FBN2: variants seen among roughly 807,000 people sequenced by gnomAD.
FBN2 encodes the protein fibrillin-2.
Under a neutral mutation model 355.6 loss-of-function variants are expected in FBN2, and 105 were observed. That is an observed-to-expected ratio of 0.30 (90% CI 0.25 to 0.35). The LOEUF (loss-of-function observed/expected upper bound fraction) is 0.35, where lower values mean the gene tolerates loss of function less well. FBN2 is among the 10% of genes least tolerant of loss of function. The probability of loss-of-function intolerance (pLI) is 1.00; values close to 1 mark genes in which losing one functional copy is unlikely to be tolerated. For synonymous variants in FBN2, 1,350 were observed against 1,301.2 expected (o/e 1.04, Z -0.81); for missense variants, 3,280 against 3,758.7 (o/e 0.87, Z 3.33).
At chr5:128,426,068 TG>T (rs1203901538) in intron 7 of FBN2, among the ~76,000 whole-genome samples, 1 of 152,176 alleles carries the variant, frequency 6.6e-6, no homozygotes, top group Non-Finnish European at 1.5e-5. Flanking sequence ...CACACTTTGA[TG>T]TTCTCAGTGG....
At chr5:128,467,287 A>G (rs1168488214) in intron 5 of FBN2, among the ~76,000 whole-genome samples, 2 of 152,166 alleles carry the variant, frequency 1.3e-5, no homozygotes, top group African/African-American at 4.8e-5. Context: ...TGGCAGGAAT[A>G]GAGTTGACCA....
At chr5:128,331,294 G>A (rs1277290760) in intron 32 of FBN2, among the ~76,000 whole-genome samples, 2 of 152,174 alleles carry the variant, frequency 1.3e-5, no homozygotes, top group South Asian at 4.1e-4. Context: ...TTTAGTTAAG[G>A]TCAGACCTGA....
chr5:128,522,796 T>G (rs779359835), intron 4 of FBN2, among the ~76,000 whole-genome samples: 1 of 151,734 alleles, frequency 6.6e-6, no homozygotes, highest in Non-Finnish European at 1.5e-5. Context: ...TCAACTGGAG[T>G]CAGAAAAAAA....
intron 4 of FBN2, among the ~76,000 whole-genome samples, chr5:128,525,031 A>G (rs1360828902): frequency 6.6e-6 from 1 of 152,190 alleles, no homozygotes; most frequent in African/African-American, 2.4e-5. Flanking sequence ...TCCTGTGTGA[A>G]GAACAAGAGA....
chr5:128,274,769 C>G, intron 59 of FBN2, 86 bp from the exon 60 acceptor site: 1 of 846,822 alleles, frequency 1.2e-6, no homozygotes, highest in South Asian at 1.3e-5. Context: ...GATGCACATG[C>G]TCCATTAGAA....
intron 11 of FBN2, among the ~76,000 whole-genome samples, chr5:128,384,707 A>G (rs1752321309): frequency 6.6e-6 from 1 of 152,018 alleles, no homozygotes; most frequent in African/African-American, 2.4e-5. Flanking sequence ...ATGGGCTGGG[A>G]AAACTGGAGA....
intron 40 of FBN2, 63 bp downstream of exon 40, chr5:128,309,920 G>GT: frequency 6.5e-7 from 1 of 1,543,180 alleles, no homozygotes; most frequent in Non-Finnish European, 9.0e-7. Flanking sequence ...ATTCTGAGAC[G>GT]TAAGTGCTTT....
chr5:128,352,820 G>T (rs1240807456), intron 20 of FBN2, among the ~76,000 whole-genome samples: 3 of 152,136 alleles, frequency 2.0e-5, no homozygotes, highest in Non-Finnish European at 2.9e-5. Context: ...AGAAAACAAA[G>T]AATAAGTGTA....
At chr5:128,303,332 A>G (rs1459692560) in intron 45 of FBN2, among the ~76,000 whole-genome samples, 1 of 152,200 alleles carries the variant, frequency 6.6e-6, no homozygotes, top group Non-Finnish European at 1.5e-5. Context: ...GACAATACTC[A>G]GACATAGCCT....
At chr5:128,309,811 T>A (rs1234336358) in intron 40 of FBN2, among the ~76,000 whole-genome samples, 172 bp downstream of exon 40, 1 of 152,212 alleles carries the variant, frequency 6.6e-6, no homozygotes, top group African/African-American at 2.4e-5. Flanking sequence ...AATTTAAATG[T>A]ATACCCAAAG....
intron 4 of FBN2, among the ~76,000 whole-genome samples, chr5:128,521,428 TA>T (rs1316954871): frequency 1.3e-5 from 2 of 152,140 alleles, no homozygotes; most frequent in Non-Finnish European, 2.9e-5. Flanking sequence ...GCTTAATACC[TA>T]GGTGATAGGT....
chr5:128,374,790 A>C (rs772828386), intron 14 of FBN2, 40 bp from the exon 15 acceptor site: 1 of 1,612,604 alleles, frequency 6.2e-7, no homozygotes, highest in South Asian at 1.1e-5. Flanking sequence ...TTACTGGGTA[A>C]ATTTAACGTT....
In FBN2 at chr5:128,379,038, C is replaced by G. The variant is rs1581251932; in HGVS notation, c.1604-148G>C. The stretch of plus-strand genomic sequence containing the variant: ...AGTATTTATAAATGAATGAAAATTC[C>G]TCTCTTCAAATACACTCAGAGGCCA... On this transcript the variant is annotated intron_variant, in intron 11 of 64. Coordinates refer to ENST00000262464, the MANE Select transcript of FBN2 (RefSeq NM_001999.4). 1.9e-5 allele frequency: 17 copies of G among 904,468 alleles called. No individual in the cohort carries two copies. The East Asian group carries it at 4.3e-4, about 23-fold the overall frequency. 56.0% of individuals were successfully genotyped at this position (904,468 alleles called of 1,614,324 possible).
Position 128,449,333 on chromosome 5 carries a change from C to T in FBN2, c.827-2727G>A, listed in dbSNP as rs149179481. Among the ~76,000 whole-genome samples, 1,095 of 143,216 alleles carry T rather than the reference C, an allele frequency of 7.6e-3. 11 individuals are homozygous for T. The highest frequency in any genetic ancestry group is 0.026 in the African/African-American group (998 of 38,896). 94.0% of individuals were successfully genotyped at this position (143,216 alleles called of 152,430 possible). ...ATTATACAGTATACTATATAGTATA[C>T]GTATAATTACATAGTATACTATATA... On this transcript the variant is annotated intron_variant, in intron 6 of 64. Coordinates refer to ENST00000262464, the MANE Select transcript of FBN2 (RefSeq NM_001999.4).
intron 57 of FBN2, 95 bp downstream of exon 57, chr5:128,278,540 T>C: frequency 9.2e-7 from 1 of 1,088,538 alleles, no homozygotes; most frequent in Non-Finnish European, 1.4e-6. Context: ...AGCTACTCTT[T>C]TGATTGTATC....
intron 5 of FBN2, among the ~76,000 whole-genome samples, chr5:128,490,522 G>T (rs1249913096): frequency 6.6e-6 from 1 of 152,148 alleles, no homozygotes; most frequent in African/African-American, 2.4e-5. Context: ...TTTATGTACT[G>T]GGAAGTGAAA....
intron 3 of FBN2, among the ~76,000 whole-genome samples, chr5:128,528,376 A>T (rs532561905): frequency 9.4e-4 from 143 of 152,226 alleles, no homozygotes; most frequent in Admixed American, 1.5e-3. Context: ...GCTACGGAAA[A>T]CACAGGTAAA....
intron 5 of FBN2, among the ~76,000 whole-genome samples, chr5:128,499,473 A>G (rs968299096): frequency 2.6e-5 from 4 of 152,088 alleles, no homozygotes; most frequent in African/African-American, 9.7e-5. Context: ...GGCTCCAGAG[A>G]TTCTTATGTA....
rs1405002586 is a variant in FBN2, at chr5:128,480,006, ATATATATATATATATATG to A, written c.629-15103_629-15086del. 2.1e-3 allele frequency among the ~76,000 whole-genome samples: 171 copies of A among 81,664 alleles called. 1 individual carries two copies. The highest frequency in any genetic ancestry group is 4.0e-3 in the South Asian group (11 of 2,726). The allele number at this position is 81,664 out of a possible 152,430, so 53.6% of individuals were successfully genotyped here. A position where few individuals can be genotyped will look rare whatever the true frequency, so the allele number is the denominator to read the frequency against. Reference sequence around the variant, plus strand: ...TATATATATATATATATATATATATATATATATATATATATATGTATATACACACACACACACACATAT... The same window carrying A: ...TATATATATATATATATATATATATATATATACACACACACACACACATAT... On this transcript the variant is annotated intron_variant, in intron 5 of 64. Transcript: ENST00000262464.
Sources: gnomAD v4.1 joint callset for allele counts (sites outside exome capture counted in the v4.1 genomes callset) on GRCh38, gnomAD v4.1.1 for gene constraint, MANE v1.5 for transcripts, NCBI Gene and HGNC (gene_info 2026-07-23, HGNC 2026-07-21) for gene names.